TEX15: variants seen among roughly 807,000 people sequenced by gnomAD.
TEX15 encodes the protein testis-expressed protein 15.
In TEX15, 171 loss-of-function variants were observed where a neutral mutation model predicts 237.3. The observed-to-expected ratio is 0.72, with a 90% confidence interval of 0.64 to 0.82. TEX15 has a LOEUF of 0.82. TEX15 is among the 40% of genes least tolerant of loss of function. The pLI is 0.00. For missense variants in TEX15, 3,750 were observed against 3,646.5 expected, an observed-to-expected ratio of 1.03 and a Z score of -0.73; for synonymous variants, 1,338 against 1,269.8, an observed-to-expected ratio of 1.05 and a Z score of -1.14.
intron 5 of TEX15, among the ~76,000 whole-genome samples, chr8:30,860,498 G>A (rs549359595): frequency 6.6e-6 from 1 of 150,848 alleles, no homozygotes; most frequent in South Asian, 2.1e-4. Context: ...TGGCAATTAT[G>A]TCAATTCTCC....
Position 30,842,337 on chromosome 8 carries a change from G to A in TEX15, c.7830C>T (p.Ala2610=), listed in dbSNP as rs1563231550. Residue 2610 remains alanine, a synonymous_variant, in exon 8 of 11, where the codon GCC becomes GCT. Transcript: ENST00000643185. ...TCGTTTTCATGACTTTCCTAATGTG[G>A]GCCATTTTTCCTAAATCTTTCCTAG... The part of the protein sequence containing the change: ...SAPRKDLGKM[A]HIRKVMKTIE... 1 of 1,613,576 alleles carries A rather than the reference G, an allele frequency of 6.2e-7. No homozygotes were observed. The highest frequency in any genetic ancestry group is 8.5e-7 in the Non-Finnish European group (1 of 1,179,778).
intron 1 of TEX15, among the ~76,000 whole-genome samples, chr8:30,899,291 T>C (rs921408755): frequency 7.9e-5 from 12 of 152,110 alleles, no homozygotes; most frequent in Admixed American, 1.3e-4. Context: ...TCTTCACAGA[T>C]TGATGGTGTT....
chr8:30,889,942 T>TATATAC (rs1554502307), intron 2 of TEX15, among the ~76,000 whole-genome samples: 7 of 131,238 alleles, frequency 5.3e-5, no homozygotes, highest in Admixed American at 2.3e-4. Flanking sequence ...TACATATATA[T>TATATAC]ATATATATAT....
At position 30,837,165 on chromosome 8, in the gene TEX15, G is replaced by A. The variant is rs1463316391; in HGVS notation, c.9119C>T (p.Pro3040Leu). The stretch of plus-strand genomic sequence containing the variant: ...CTGATAAACACACCAAGCAGAGTAT[G>A]GATATGAAGTTCCAAATAAATGCTC... ...SSEHLFGTSY[P>L]YSAWCVYQYS... The change falls in exon 10 of 11, where the codon CCA (proline) becomes CTA (leucine). Residue 3040 changes from proline to leucine, a missense_variant. Pro to Leu is a moderately conservative substitution (Grantham distance 98). Transcript: ENST00000643185. 1 of 1,614,050 alleles carries A rather than the reference G, an allele frequency of 6.2e-7. No homozygotes were observed. The highest frequency in any genetic ancestry group is 2.2e-5 in the East Asian group (1 of 44,870).
chr8:30,841,476 A>C (rs560448012), intron 8 of TEX15, among the ~76,000 whole-genome samples: 1 of 152,362 alleles, frequency 6.6e-6, no homozygotes, highest in African/African-American at 2.4e-5. Flanking sequence ...AATCAGTGCC[A>C]AGTACATATT....
chr8:30,910,329 C>A (rs1809191828), intron 1 of TEX15, among the ~76,000 whole-genome samples: 1 of 152,098 alleles, frequency 6.6e-6, no homozygotes, highest in Non-Finnish European at 1.5e-5. Context: ...TATACTAAAG[C>A]GGAAATTATC....
intron 3 of TEX15, among the ~76,000 whole-genome samples, chr8:30,876,933 A>AG (rs1464973299): frequency 3.3e-5 from 5 of 152,136 alleles, no homozygotes; most frequent in African/African-American, 1.2e-4. Context: ...TGGTTTTATA[A>AG]GGGGCCTTTC....
At chr8:30,912,434 A>G (rs1809249649) in intron 1 of TEX15, among the ~76,000 whole-genome samples, 1 of 151,838 alleles carries the variant, frequency 6.6e-6, no homozygotes, top group Admixed American at 6.5e-5. Context: ...TGCTGACTAC[A>G]AACTGCGCCT....
intron 1 of TEX15, among the ~76,000 whole-genome samples, chr8:30,909,376 T>A (rs1016623285): frequency 1.3e-5 from 2 of 151,014 alleles, no homozygotes; most frequent in East Asian, 1.9e-4. Context: ...AAGTCTCAGC[T>A]GCTGTAATTA....
At chr8:30,898,907 A>G (rs1278024753) in intron 1 of TEX15, 90 bp from the exon 2 acceptor site, 1 of 152,116 alleles carries the variant, frequency 6.6e-6, no homozygotes, top group South Asian at 2.1e-4. Context: ...TGTCTTCTCT[A>G]TTCATTTTTT....
chr8:30,860,421 T>C lies in TEX15; in HGVS notation c.541-364A>G, dbSNP rs1238458496. ...GCCACCGTGCCAGGCCCTGATTTTTTTTTTTAAGAAGTAGAAATATGAATG... is the reference window on the plus strand; with the variant it reads ...GCCACCGTGCCAGGCCCTGATTTTTCTTTTTAAGAAGTAGAAATATGAATG... On this transcript the variant is annotated intron_variant, in intron 5 of 10. Transcript: ENST00000643185. Among the ~76,000 whole-genome samples, 3 of 152,024 alleles carry C rather than the reference T, an allele frequency of 2.0e-5. No individual in the cohort carries two copies. The East Asian group carries it at 5.8e-4, about 29-fold the overall frequency.
chr8:30,849,960 T>A (rs148484929), intron 7 of TEX15, among the ~76,000 whole-genome samples: 3 of 152,054 alleles, frequency 2.0e-5, no homozygotes, highest in East Asian at 3.9e-4. Flanking sequence ...ATTTTCCCAA[T>A]AGATAACAGC....
chr8:30,842,845 G>A lies in TEX15; in HGVS notation c.7322C>T (p.Ala2441Val). 6.2e-7 allele frequency: 1 copy of A among 1,612,468 alleles called. No individual in the cohort carries two copies. Among genetic ancestry groups the A allele is most frequent in the Non-Finnish European group, 8.5e-7 (1 of 1,179,054 alleles). Residue 2441 changes from alanine (A) to valine (V), a missense_variant, in exon 8 of 11, where the codon GCT becomes GTT. Physicochemically the swap from Ala to Val is moderately conservative, Grantham distance 64. Transcript: ENST00000643185. ...GACGATTTCAATATACATTTCAATA[G>A]CTTCAGGCTTTAAAATGATAGCCTC... ...SHEAIILKPE[A>V]IEMYIEIVMV...
intron 7 of TEX15, among the ~76,000 whole-genome samples, chr8:30,854,353 G>A (rs896302463): frequency 1.0e-4 from 15 of 148,262 alleles, no homozygotes; most frequent in African/African-American, 3.7e-4. Context: ...GACTATTAAA[G>A]GAATACTATA....
At chr8:30,898,905 C>T (rs1808956802) in intron 1 of TEX15, 88 bp from the exon 2 acceptor site, 1 of 152,184 alleles carries the variant, frequency 6.6e-6, no homozygotes, top group Admixed American at 6.5e-5. Flanking sequence ...ATTGTCTTCT[C>T]TATTCATTTT....
intron 2 of TEX15, among the ~76,000 whole-genome samples, chr8:30,889,219 G>A (rs564124976): frequency 1.4e-4 from 21 of 152,262 alleles, no homozygotes; most frequent in Admixed American, 3.9e-4. Flanking sequence ...TTGGGAGGCC[G>A]AGGTGGGTGG....
At position 30,844,079 on chromosome 8, in the gene TEX15, A is replaced by G. The variant is rs1358893872; in HGVS notation, c.6088T>C (p.Phe2030Leu). The G allele has an allele frequency of 1.9e-6, 3 of 1,612,606 alleles. No individual in the cohort carries two copies. The highest frequency in any genetic ancestry group is 2.7e-5 in the African/African-American group (2 of 74,868). Reference sequence around the variant, plus strand: ...TGCTTTCTTTCAAAAGCTTCCACAAATAAAGGGAGAATATTTAGACAAACC... The same window carrying G: ...TGCTTTCTTTCAAAAGCTTCCACAAGTAAAGGGAGAATATTTAGACAAACC... ...TKVCLNILPL[F>L]VEAFERKQEC... The change falls in exon 8 of 11, where the codon TTT (phenylalanine) becomes CTT (leucine). Residue 2030 changes from phenylalanine to leucine, a missense_variant. Transcript: ENST00000643185.
intron 4 of TEX15, among the ~76,000 whole-genome samples, chr8:30,870,070 T>C (rs1808259985): frequency 6.6e-6 from 1 of 151,858 alleles, no homozygotes; most frequent in African/African-American, 2.4e-5. Context: ...GGTGGAAAGC[T>C]CAAAATCAAC....
At chr8:30,860,100 CA>C in intron 5 of TEX15, 43 bp from the exon 6 acceptor site, 1 of 1,377,796 alleles carries the variant, frequency 7.3e-7, no homozygotes, top group East Asian at 2.6e-5. Context: ...AAAAATATAC[CA>C]AAACGTTTCT....
Sources: allele counts gnomAD v4.1 joint callset (sites outside exome capture counted in the v4.1 genomes callset), GRCh38; gene constraint gnomAD v4.1.1; transcripts MANE v1.5; gene names NCBI Gene and HGNC (gene_info 2026-07-23, HGNC 2026-07-21).